PRKCE: variants seen among roughly 807,000 people sequenced by gnomAD.
The protein encoded by PRKCE is protein kinase C epsilon type.
In PRKCE, 16 loss-of-function variants were observed where a neutral mutation model predicts 85.4. The ratio of observed to expected loss-of-function variants is 0.19; its 90% CI spans 0.13 to 0.28. The LOEUF is 0.28. Ranked by LOEUF, PRKCE falls within the 10% of genes least tolerant of loss-of-function variation. The probability of loss-of-function intolerance (pLI) is 1.00; values close to 1 mark genes in which losing one functional copy is unlikely to be tolerated. For missense variants in PRKCE, 573 were observed against 975.2 expected, an observed-to-expected ratio of 0.59 and a Z score of 5.49; for synonymous variants, 388 against 371.5, an observed-to-expected ratio of 1.04 and a Z score of -0.51.
rs1675969872 is a variant in PRKCE at position 46,145,381 on chromosome 2, A to G, written c.1731+150A>G. The G allele has an allele frequency of 9.0e-7, 1 of 1,113,440 alleles. No individual in the cohort carries two copies. 69.0% of individuals were successfully genotyped at this position (1,113,440 alleles called of 1,614,324 possible). A position where few individuals can be genotyped will look rare whatever the true frequency, so the allele number is the denominator to read the frequency against. ...GGAAGGAGGGAGAAAAGGAAAGGAA[A>G]AAAGTTTGCTGATTGATGTCTGTCA... On this transcript the variant is annotated intron_variant, in intron 12 of 14. Coordinates refer to ENST00000306156, the MANE Select transcript of PRKCE (RefSeq NM_005400.3). The surrounding 1 kb of genome is among the most constrained non-coding windows in gnomAD (Gnocchi z 4.6).
In PRKCE at chr2:46,088,280, A is replaced by T. The variant is rs1669836054; in HGVS notation, c.1592+1918A>T. ...CCCACAAAGTTTCTTAGCTTTTCTC[A>T]AACTCACCTGCCAATTTCCAACTTT... is the stretch of plus-strand genomic sequence containing the variant. On this transcript the variant is annotated intron_variant, in intron 11 of 14. Transcript: ENST00000306156. 1.3e-5 allele frequency among the ~76,000 whole-genome samples: 2 copies of T among 152,070 alleles called. 1 individual carries two copies. The highest frequency in any genetic ancestry group is 4.2e-4 in the South Asian group (2 of 4,818).
At chr2:45,674,146 C>T (rs906153740) in intron 1 of PRKCE, among the ~76,000 whole-genome samples, 1 of 152,154 alleles carries the variant, frequency 6.6e-6, no homozygotes, top group Non-Finnish European at 1.5e-5. Context: ...TGACTTGCGG[C>T]GAAAATGTGA....
At position 45,652,136 on chromosome 2, in the gene PRKCE, C is replaced by T; in HGVS notation, c.36C>T (p.Ile12=). The T allele has an allele frequency of 6.8e-7, 1 of 1,480,578 alleles. No homozygotes were observed. Among genetic ancestry groups the T allele is most frequent in the Non-Finnish European group, 9.1e-7 (1 of 1,098,620 alleles). 91.7% of individuals were successfully genotyped at this position (1,480,578 alleles called of 1,614,324 possible). The change falls in exon 1 of 15, where the codon ATC becomes ATT. Residue 12 remains isoleucine (I), a synonymous_variant. Coordinates refer to ENST00000306156, the MANE Select transcript of PRKCE (RefSeq NM_005400.3). The surrounding 1 kb of genome is among the most constrained non-coding windows in gnomAD (Gnocchi z 7.7). ...VVFNGLLKIK[I]CEAVSLKPTA... ...TCAATGGCCTTCTTAAGATCAAAAT[C>T]TGCGAGGCCGTGAGCTTGAAGCCCA...
At chr2:45,750,183 T>C (rs1390623989) in intron 1 of PRKCE, among the ~76,000 whole-genome samples, 2 of 152,192 alleles carry the variant, frequency 1.3e-5, no homozygotes, top group African/African-American at 4.8e-5. Context: ...ATATCGCTAA[T>C]GTACATTCAC....
intron 2 of PRKCE, among the ~76,000 whole-genome samples, chr2:45,915,708 C>T (rs151092079): frequency 6.6e-6 from 1 of 152,264 alleles, no homozygotes; most frequent in Non-Finnish European, 1.5e-5. Flanking sequence ...GGAGCTCAGT[C>T]GCGGCCTTGT....
At chr2:45,958,190 C>CAAAAAA (rs60711691) in intron 2 of PRKCE, among the ~76,000 whole-genome samples, 223 of 109,786 alleles carry the variant, frequency 2.0e-3, no homozygotes, top group Non-Finnish European at 3.2e-3. Context: ...ATTAGGCCCG[C>CAAAAAA]AAAAAAAAAA....
At position 46,041,804 on chromosome 2, in the gene PRKCE, C is replaced by G. The variant is rs1425862493; in HGVS notation, c.1437+31287C>G. Among the ~76,000 whole-genome samples, 1 of 152,216 alleles carries G rather than the reference C, an allele frequency of 6.6e-6. No individual in the cohort carries two copies. Among genetic ancestry groups the G allele is most frequent in the Non-Finnish European group, 1.5e-5 (1 of 68,038 alleles). On this transcript the variant is annotated intron_variant, in intron 10 of 14. Coordinates refer to ENST00000306156, the MANE Select transcript of PRKCE (RefSeq NM_005400.3). The surrounding 1 kb of genome is among the most constrained non-coding windows in gnomAD (Gnocchi z 5.5). ...TAAGCTGGAGGAATTTGCCCTAAAA[C>G]TGTTCTGCACGGCCAACAATTTGAT... is the stretch of plus-strand genomic sequence containing the variant.
intron 10 of PRKCE, among the ~76,000 whole-genome samples, chr2:46,015,515 C>T (rs1706049653): frequency 6.6e-6 from 1 of 152,104 alleles, no homozygotes; most frequent in Non-Finnish European, 1.5e-5. Flanking sequence ...ATCTCCCTTG[C>T]TGCCCTAGGG....
At chr2:46,179,992 G>A (rs1679811211) in intron 14 of PRKCE, among the ~76,000 whole-genome samples, 1 of 152,220 alleles carries the variant, frequency 6.6e-6, no homozygotes, top group Admixed American at 6.5e-5. Context: ...AGATATCTAT[G>A]GAGTATGCAG....
chr2:45,939,440 G>A (rs1699719970), intron 2 of PRKCE, among the ~76,000 whole-genome samples: 1 of 152,176 alleles, frequency 6.6e-6, no homozygotes, highest in African/African-American at 2.4e-5. Flanking sequence ...CTCCTGTAGA[G>A]TAGCATCTGG....
At chr2:45,802,813 G>C (rs1022540272) in intron 1 of PRKCE, among the ~76,000 whole-genome samples, 5 of 152,224 alleles carry the variant, frequency 3.3e-5, no homozygotes, top group Non-Finnish European at 5.9e-5. Context: ...GGACATAGAC[G>C]TATAAACATG....
intron 1 of PRKCE, among the ~76,000 whole-genome samples, chr2:45,800,404 A>G (rs1687768041): frequency 6.6e-6 from 1 of 152,238 alleles, no homozygotes; most frequent in South Asian, 2.1e-4. Context: ...TGCCTATGTC[A>G]TTGGTCAGGC....
chr2:45,663,202 CA>C (rs1307007722), intron 1 of PRKCE, among the ~76,000 whole-genome samples: 1 of 152,196 alleles, frequency 6.6e-6, no homozygotes, highest in African/African-American at 2.4e-5. Flanking sequence ...AATATTTCAT[CA>C]TAGAATGCTT....
intron 2 of PRKCE, among the ~76,000 whole-genome samples, chr2:45,893,574 G>T (rs1250477442): frequency 6.6e-6 from 1 of 151,784 alleles, no homozygotes; most frequent in Non-Finnish European, 1.5e-5. Context: ...CACCATGTTG[G>T]CCAGGCTGGT....
intron 2 of PRKCE, among the ~76,000 whole-genome samples, chr2:45,961,472 A>G (rs1439708118): frequency 2.0e-5 from 3 of 152,168 alleles, no homozygotes; most frequent in African/African-American, 7.2e-5. Context: ...TGCAATGCCT[A>G]TGGCACTAAA....
rs1480258376 is a variant in PRKCE at position 46,138,105 on chromosome 2, AG to A, written c.1593-6985del. Among the ~76,000 whole-genome samples the A allele has an allele frequency of 2.0e-5, 3 of 152,198 alleles. No individual in the cohort carries two copies. Among genetic ancestry groups the A allele is most frequent in the African/African-American group, 7.2e-5 (3 of 41,466 alleles). ...AGAATATTTTAAAAGTACATTGTTT[AG>A]GGAATTTCCTTTCTTGTCATGTTGT... On this transcript the variant is annotated intron_variant, in intron 11 of 14. Transcript: ENST00000306156. This position sits in a 1 kb window ranked among gnomAD's most constrained non-coding sequence, Gnocchi z 4.2.
chr2:45,678,929 A>C (rs773426362), intron 1 of PRKCE, among the ~76,000 whole-genome samples: 3 of 152,160 alleles, frequency 2.0e-5, no homozygotes, highest in African/African-American at 7.2e-5. Flanking sequence ...GACGAGTGGA[A>C]GGTTTCTCAT....
intron 10 of PRKCE, among the ~76,000 whole-genome samples, chr2:46,081,746 A>G (rs1669099635): frequency 6.6e-6 from 1 of 152,228 alleles, no homozygotes; most frequent in Admixed American, 6.5e-5. Context: ...CAGACTTTGA[A>G]GCATATTAGA....
intron 11 of PRKCE, among the ~76,000 whole-genome samples, chr2:46,094,879 G>T (rs1386939707): frequency 6.6e-6 from 1 of 150,850 alleles, no homozygotes; most frequent in Non-Finnish European, 1.5e-5. Flanking sequence ...CAGTGCTGCT[G>T]TGCAGAAGTC....
Sources: allele counts gnomAD v4.1 joint callset (sites outside exome capture counted in the v4.1 genomes callset), GRCh38; gene constraint gnomAD v4.1.1; non-coding constraint Gnocchi (gnomAD v3.1); transcripts MANE v1.5; gene names NCBI Gene and HGNC (gene_info 2026-07-23, HGNC 2026-07-21).